LGR4: variants seen among roughly 807,000 people sequenced by gnomAD.
LGR4 encodes leucine rich repeat containing G protein-coupled receptor 4.
In LGR4, 44 loss-of-function variants were observed where a neutral mutation model predicts 84.8. The ratio of observed to expected loss-of-function variants is 0.52; its 90% CI spans 0.41 to 0.67. The LOEUF is 0.67. LGR4 is among the 30% of genes least tolerant of loss of function. LGR4 has a pLI of 0.00. For synonymous variants in LGR4, 429 were observed against 434.3 expected (o/e 0.99, Z 0.15); for missense variants, 1,032 against 1,131.4 (o/e 0.91, Z 1.26).
At chr11:27,388,467 T>G (rs1321101103) in intron 4 of LGR4, among the ~76,000 whole-genome samples, 1 of 152,178 alleles carries the variant, frequency 6.6e-6, no homozygotes, top group East Asian at 1.9e-4. Flanking sequence ...AAACTCCATG[T>G]GGTAAGAGAT....
intron 1 of LGR4, among the ~76,000 whole-genome samples, chr11:27,443,348 C>T (rs1864333827): frequency 6.6e-6 from 1 of 152,170 alleles, no homozygotes; most frequent in Non-Finnish European, 1.5e-5. Context: ...TACCACTGAA[C>T]ACCAGAGAGG....
chr11:27,449,760 G>A (rs1864452002), intron 1 of LGR4, among the ~76,000 whole-genome samples: 1 of 152,208 alleles, frequency 6.6e-6, no homozygotes, highest in Non-Finnish European at 1.5e-5. Flanking sequence ...AAGGACGTAT[G>A]TCTATAATTA....
chr11:27,380,880 T>G lies in LGR4; in HGVS notation c.830+15A>C, dbSNP rs1156504154. The G allele has an allele frequency of 6.8e-7, 1 of 1,479,316 alleles. No individual in the cohort carries two copies. Among genetic ancestry groups the G allele is most frequent in the Non-Finnish European group, 9.4e-7 (1 of 1,060,582 alleles). 91.6% of individuals were successfully genotyped at this position (1,479,316 alleles called of 1,614,324 possible). A position where few individuals can be genotyped will look rare whatever the true frequency, so the allele number is the denominator to read the frequency against. ...ACATAATTATACATTAAAAGAAACT[T>G]TCAAAAATACTTACATAGTTCTTAA... On this transcript the variant is annotated intron_variant, in intron 8 of 17. Coordinates refer to ENST00000379214, the MANE Select transcript of LGR4 (RefSeq NM_018490.5).
Position 27,369,091 on chromosome 11 carries a change from A to T in LGR4, c.1632T>A (p.Thr544=), listed in dbSNP as rs1565067569. Residue 544 remains threonine (T), a synonymous_variant, in exon 18 of 18, where the codon ACT becomes ACA. Coordinates refer to ENST00000379214, the MANE Select transcript of LGR4 (RefSeq NM_018490.5). ...ATGCAACCAAGAAAATGAACCACAC[A>T]GTAAGACGAATCATCCAGCTTCCCA... ...YLLGSWMIRL[T]VWFIFLVALF... 1.2e-6 allele frequency: 2 copies of T among 1,613,038 alleles called. No individual in the cohort carries two copies. Among genetic ancestry groups the T allele is most frequent in the Non-Finnish European group, 1.7e-6 (2 of 1,179,742 alleles).
At chr11:27,374,880 A>G (rs1269409271) in intron 13 of LGR4, among the ~76,000 whole-genome samples, 1 of 152,184 alleles carries the variant, frequency 6.6e-6, no homozygotes, top group Non-Finnish European at 1.5e-5. Context: ...TACCAATTAA[A>G]TAGTTTCTAG....
intron 1 of LGR4, among the ~76,000 whole-genome samples, chr11:27,421,462 G>A (rs1863921816): frequency 6.6e-6 from 1 of 152,132 alleles, no homozygotes; most frequent in Non-Finnish European, 1.5e-5. Context: ...ATTTTATGCT[G>A]TAATTGTTTA....
At chr11:27,376,676 A>G (rs1862989857) in intron 12 of LGR4, among the ~76,000 whole-genome samples, 2 of 152,186 alleles carry the variant, frequency 1.3e-5, no homozygotes, top group African/African-American at 4.8e-5. Flanking sequence ...AACCCCACTC[A>G]GGCATAAGAG....
At chr11:27,452,932 G>A (rs1021789074) in intron 1 of LGR4, among the ~76,000 whole-genome samples, 6 of 151,644 alleles carry the variant, frequency 4.0e-5, no homozygotes, top group Admixed American at 3.3e-4. Context: ...ATAGCCTGTT[G>A]TATTGACATA....
intron 2 of LGR4, among the ~76,000 whole-genome samples, chr11:27,410,474 C>T (rs988114289): frequency 6.6e-6 from 1 of 152,080 alleles, no homozygotes; most frequent in African/African-American, 2.4e-5. Context: ...GGGCATTTGG[C>T]TTCATGATCA....
At chr11:27,383,470 G>A (rs1863134948) in intron 6 of LGR4, among the ~76,000 whole-genome samples, 1 of 152,156 alleles carries the variant, frequency 6.6e-6, no homozygotes, top group Non-Finnish European at 1.5e-5. Flanking sequence ...TCTGAGTTTG[G>A]AACTATCCTC....
At chr11:27,420,315 G>A (rs1863904603) in intron 1 of LGR4, among the ~76,000 whole-genome samples, 1 of 152,178 alleles carries the variant, frequency 6.6e-6, no homozygotes, top group African/African-American at 2.4e-5. Flanking sequence ...ACTGGGTCCA[G>A]TTTCTTCATT....
intron 1 of LGR4, among the ~76,000 whole-genome samples, chr11:27,452,650 CA>C (rs141392905): frequency 0.25 from 31,370 of 125,572 alleles, 3,990 homozygotes; most frequent in African/African-American, 0.32. Flanking sequence ...TTTTTTGAGA[CA>C]GAGTCTCTGT....
intron 2 of LGR4, among the ~76,000 whole-genome samples, chr11:27,412,285 A>G (rs4457709): frequency 0.44 from 66,763 of 152,004 alleles, 17,474 homozygotes; most frequent in African/African-American, 0.75. Context: ...TTAGAGACCT[A>G]GACAGTGTTT....
intron 1 of LGR4, among the ~76,000 whole-genome samples, chr11:27,423,548 G>C (rs949254930): frequency 6.6e-6 from 1 of 152,150 alleles, no homozygotes; most frequent in African/African-American, 2.4e-5. Flanking sequence ...ATTATAACTG[G>C]GATGATTCAA....
At chr11:27,416,034 T>C (rs189752218) in intron 1 of LGR4, among the ~76,000 whole-genome samples, 204 of 152,270 alleles carry the variant, frequency 1.3e-3, no homozygotes, top group African/African-American at 4.9e-3. Context: ...GGAAGTTGTT[T>C]AAAGAATTTT....
intron 6 of LGR4, 148 bp from the exon 7 acceptor site, chr11:27,382,404 A>G: frequency 1.7e-6 from 1 of 592,352 alleles, no homozygotes; most frequent in Non-Finnish European, 3.0e-6. Context: ...AAAACCATGT[A>G]GGAGTTTAAC....
intron 2 of LGR4, among the ~76,000 whole-genome samples, chr11:27,400,000 A>G (rs1439519507): frequency 6.6e-6 from 1 of 152,150 alleles, no homozygotes; most frequent in Non-Finnish European, 1.5e-5. Context: ...ATAAAAAACT[A>G]TCATTTGTGT....
At chr11:27,373,871 G>T (rs1862929442) in intron 14 of LGR4, 104 bp downstream of exon 14, 1 of 1,042,270 alleles carries the variant, frequency 9.6e-7, no homozygotes, top group Non-Finnish European at 1.5e-6. Context: ...TTATACAAGG[G>T]AATAACTAAA....
chr11:27,439,965 G>A (rs903756011), intron 1 of LGR4, among the ~76,000 whole-genome samples: 15 of 149,034 alleles, frequency 1.0e-4, no homozygotes, highest in South Asian at 8.5e-4. Flanking sequence ...GAGTGCAGTG[G>A]CACGATCTCA....
Sources: gnomAD v4.1 joint callset for allele counts (sites outside exome capture counted in the v4.1 genomes callset) on GRCh38, gnomAD v4.1.1 for gene constraint, MANE v1.5 for transcripts, NCBI Gene and HGNC (gene_info 2026-07-23, HGNC 2026-07-21) for gene names.